Variants in HMGB1 observed in about 807,000 individuals in gnomAD.
The protein encoded by HMGB1 is high mobility group protein B1.
For missense variants in HMGB1, 79 were observed against 253.5 expected (o/e 0.31, Z 4.67); for synonymous variants, 81 against 84.0 (o/e 0.96, Z 0.19).
intron 1 of HMGB1, among the ~76,000 whole-genome samples, chr13:30,587,406 C>T (rs777104145): frequency 1.6e-4 from 25 of 152,212 alleles, no homozygotes; most frequent in Non-Finnish European, 3.4e-4. Context: ...CAGCACGCTA[C>T]AGCATCCTGG....
intron 1 of HMGB1, among the ~76,000 whole-genome samples, chr13:30,490,871 GGTACA>G (rs1474603431): frequency 6.6e-6 from 1 of 151,988 alleles, no homozygotes; most frequent in Non-Finnish European, 1.5e-5. Flanking sequence ...TGTAGGCAAA[GGTACA>G]CTGCTGGTAT....
chr13:30,499,738 A>C (rs1887693104), intron 1 of HMGB1, among the ~76,000 whole-genome samples: 1 of 152,234 alleles, frequency 6.6e-6, no homozygotes, highest in South Asian at 2.1e-4. Flanking sequence ...AGGAACCTTG[A>C]AAAGTCAATC....
At chr13:30,543,122 T>G (rs1868977991) in intron 1 of HMGB1, 1 of 96,760 alleles carries the variant, frequency 1.0e-5, no homozygotes, top group South Asian at 3.3e-4. Context: ...TCCAGGTTTT[T>G]TTTTTTTTTT....
intron 1 of HMGB1, among the ~76,000 whole-genome samples, chr13:30,538,728 CTTTTTCTT>C (rs1236817363): frequency 4.2e-4 from 42 of 100,848 alleles, no homozygotes; most frequent in African/African-American, 1.4e-3. Flanking sequence ...CTTTTTCTTT[CTTTTTCTT>C]TCTTTCTTCT....
chr13:30,583,579 T>A (rs1384826174), intron 1 of HMGB1, among the ~76,000 whole-genome samples: 2 of 146,688 alleles, frequency 1.4e-5, no homozygotes, highest in African/African-American at 5.0e-5. Context: ...CTCACACCTG[T>A]AATCCCATCA....
chr13:30,474,797 A>G (rs1228392223), intron 1 of HMGB1, among the ~76,000 whole-genome samples: 2 of 112,236 alleles, frequency 1.8e-5, no homozygotes, highest in African/African-American at 3.6e-5. Context: ...GTTTCGCTCT[A>G]TCGCCTAAGC....
At chr13:30,476,118 CTTTTTT>C (rs71093065) in intron 1 of HMGB1, among the ~76,000 whole-genome samples, 1 of 109,496 alleles carries the variant, frequency 9.1e-6, no homozygotes, top group African/African-American at 3.5e-5. Flanking sequence ...GTGGCATGTA[CTTTTTT>C]TTTTTTTTTT....
At chr13:30,522,490 A>G (rs1015704802) in intron 1 of HMGB1, among the ~76,000 whole-genome samples, 1 of 152,094 alleles carries the variant, frequency 6.6e-6, no homozygotes, top group Non-Finnish European at 1.5e-5. Context: ...ACTGTGATAG[A>G]GTCAGGTCAA....
At chr13:30,528,907 T>C (rs1888433111) in intron 1 of HMGB1, among the ~76,000 whole-genome samples, 1 of 151,928 alleles carries the variant, frequency 6.6e-6, no homozygotes, top group Non-Finnish European at 1.5e-5. Flanking sequence ...CGGGCGCCTC[T>C]AGTCCCAGCT....
intron 1 of HMGB1, among the ~76,000 whole-genome samples, chr13:30,499,598 C>T (rs7984962): frequency 0.48 from 72,895 of 151,994 alleles, 19,042 homozygotes; most frequent in Non-Finnish European, 0.57. Flanking sequence ...CATTTAAAAA[C>T]CACAATACCC....
rs1886037067 is a variant in HMGB1 at position 30,457,442 on chromosome 13, G to A, written c.*3915C>T. ...CAATAAATTCAACTATTTAAGCTAA[G>A]CACAGTGGTGTGTCCCTGTAATCCC... On this transcript the variant is annotated 3_prime_UTR_variant, in exon 5 of 5. Transcript: ENST00000341423. 1 of 152,194 alleles carries A rather than the reference G, an allele frequency of 6.6e-6. No homozygotes were observed. Among genetic ancestry groups the A allele is most frequent in the African/African-American group, 2.4e-5 (1 of 41,426 alleles). 9.4% of individuals were successfully genotyped at this position (152,194 alleles called of 1,614,324 possible).
chr13:30,494,757 C>T (rs1259389592), intron 1 of HMGB1, among the ~76,000 whole-genome samples: 1 of 152,078 alleles, frequency 6.6e-6, no homozygotes, highest in Non-Finnish European at 1.5e-5. Flanking sequence ...TTTCATCTTC[C>T]CCAATTAAAA....
chr13:30,583,835 AAAAAAAAG>A (rs1566032078), intron 1 of HMGB1, among the ~76,000 whole-genome samples: 1 of 120,486 alleles, frequency 8.3e-6, no homozygotes. Flanking sequence ...CAAAAAAAAA[AAAAAAAAG>A]AAAGAAAGAA....
chr13:30,493,459 C>G (rs1412497043), intron 1 of HMGB1, among the ~76,000 whole-genome samples: 1 of 152,106 alleles, frequency 6.6e-6, no homozygotes, highest in African/African-American at 2.4e-5. Flanking sequence ...TGGGGGATGA[C>G]AGGAATGTTC....
chr13:30,607,010 G>A (rs1246156574), intron 1 of HMGB1, among the ~76,000 whole-genome samples: 1 of 151,318 alleles, frequency 6.6e-6, no homozygotes, highest in Non-Finnish European at 1.5e-5. Flanking sequence ...TTCACTTATT[G>A]AACTTCTTTT....
chr13:30,490,847 T>A (rs1760078879), intron 1 of HMGB1, among the ~76,000 whole-genome samples: 1 of 151,992 alleles, frequency 6.6e-6, no homozygotes, highest in African/African-American at 2.4e-5. Flanking sequence ...CCTGAAGACG[T>A]GCTTTTCTCT....
intron 1 of HMGB1, among the ~76,000 whole-genome samples, chr13:30,608,361 A>G (rs1385444643): frequency 6.6e-6 from 1 of 152,212 alleles, no homozygotes; most frequent in Non-Finnish European, 1.5e-5. Context: ...TAACTTCATA[A>G]CTTATTTAGG....
intron 1 of HMGB1, among the ~76,000 whole-genome samples, chr13:30,524,351 A>G (rs565623530): frequency 0.014 from 846 of 59,494 alleles, 9 homozygotes; most frequent in African/African-American, 0.037. Context: ...AAAAAAAAAA[A>G]AAAAAAGAAA....
chr13:30,587,024 T>C (rs991140614), intron 1 of HMGB1, among the ~76,000 whole-genome samples: 1 of 152,200 alleles, frequency 6.6e-6, no homozygotes, highest in African/African-American at 2.4e-5. Context: ...GTAATATTTA[T>C]TTTCTTTAAA....
Sources: allele counts gnomAD v4.1 joint callset (sites outside exome capture counted in the v4.1 genomes callset), GRCh38; gene constraint gnomAD v4.1.1; transcripts MANE v1.5; gene names NCBI Gene and HGNC (gene_info 2026-07-23, HGNC 2026-07-21).